Variants in SPIRE1 observed in about 807,000 individuals in gnomAD.
The protein encoded by SPIRE1 is spire type actin nucleation factor 1, also known as protein spire homolog 1.
SPIRE1 carries 40 observed loss-of-function variants against 94.1 expected under a neutral mutation model. The ratio of observed to expected loss-of-function variants is 0.43; its 90% CI spans 0.33 to 0.55. SPIRE1 has a LOEUF of 0.55. SPIRE1 is among the 20% of genes least tolerant of loss of function. SPIRE1 has a pLI of 0.06. For synonymous variants in SPIRE1, 376 were observed against 371.7 expected (o/e 1.01, Z -0.13); for missense variants, 838 against 975.2 (o/e 0.86, Z 1.87).
At chr18:12,597,914 T>C (rs1268262125) in intron 2 of SPIRE1, among the ~76,000 whole-genome samples, 2 of 152,254 alleles carry the variant, frequency 1.3e-5, no homozygotes, top group African/African-American at 4.8e-5. Flanking sequence ...CATGTCTAGA[T>C]GTAAGACTGA....
At position 12,452,387 on chromosome 18, in the gene SPIRE1, C is replaced by T. The variant is rs773590464; in HGVS notation, c.1880G>A (p.Arg627Gln). 3.0e-5 allele frequency: 48 copies of T among 1,613,976 alleles called. No individual in the cohort carries two copies. Among genetic ancestry groups the T allele is most frequent in the Admixed American group, 6.7e-5 (4 of 59,980 alleles). The change falls in exon 16 of 17, where the codon CGG (arginine) becomes CAG (glutamine). Residue 627 changes from arginine (R) to glutamine (Q), a missense_variant. Coordinates refer to ENST00000409402, the MANE Select transcript of SPIRE1 (RefSeq NM_001128626.2). ...PVCSQCCKKM[R>Q]LPSKPYSTLP... ...AGTGGAGTATGGTTTGGAGGGCAGC[C>T]GCATCTATTATCCCAAATAAAACTG... is the stretch of plus-strand genomic sequence containing the variant.
Position 12,586,560 on chromosome 18 carries a change from T to A in SPIRE1, c.373-39656A>T, listed in dbSNP as rs574281519. Among the ~76,000 whole-genome samples the A allele has an allele frequency of 9.2e-5, 14 of 152,356 alleles. No individual in the cohort carries two copies. The South Asian group carries it at 2.9e-3, about 32-fold the overall frequency. On this transcript the variant is annotated intron_variant, in intron 2 of 16. Coordinates refer to ENST00000409402, the MANE Select transcript of SPIRE1 (RefSeq NM_001128626.2). Reference sequence around the variant, plus strand: ...ATTCTCTCAGTCATGGCATCTGCTATACTTTTACTGGCAAATGATGAAACT... The same window carrying A: ...ATTCTCTCAGTCATGGCATCTGCTAAACTTTTACTGGCAAATGATGAAACT...
chr18:12,553,079 G>T (rs1443471290), intron 2 of SPIRE1, among the ~76,000 whole-genome samples: 1 of 152,140 alleles, frequency 6.6e-6, no homozygotes, highest in Non-Finnish European at 1.5e-5. Context: ...CAATACCCAG[G>T]TAGTACGCCA....
rs2143460250 is a variant in SPIRE1 at position 12,448,263 on chromosome 18, G to C, written c.*1375C>G. ...TAGAAATGTTACTGTATTTTGATGT[G>C]GTATGAAATGCAGCCGCCATGCCTT... On this transcript the variant is annotated 3_prime_UTR_variant, in exon 17 of 17. Coordinates refer to ENST00000409402, the MANE Select transcript of SPIRE1 (RefSeq NM_001128626.2). The surrounding 1 kb of genome is among the most constrained non-coding windows in gnomAD (Gnocchi z 4.4). The C allele has an allele frequency of 6.5e-6, 1 of 152,688 alleles. No homozygotes were observed. Among genetic ancestry groups the C allele is most frequent in the African/African-American group, 2.4e-5 (1 of 41,546 alleles). 9.5% of individuals were successfully genotyped at this position (152,688 alleles called of 1,614,324 possible).
rs181846395 is a variant in SPIRE1, at chr18:12,646,767, C to T, written c.337+10763G>A. Among the ~76,000 whole-genome samples the T allele has an allele frequency of 8.5e-5, 13 of 152,086 alleles. No individual in the cohort carries two copies. The East Asian group carries it at 1.9e-3, about 23-fold the overall frequency. On this transcript the variant is annotated intron_variant, in intron 1 of 16. Coordinates refer to ENST00000409402, the MANE Select transcript of SPIRE1 (RefSeq NM_001128626.2). The stretch of plus-strand genomic sequence containing the variant: ...TTAATTTAAAAAAATGTATTAGGCC[C>T]GGCGCAGTGGTTCACACCTGTAATC...
chr18:12,642,031 C>T (rs2038100843), intron 1 of SPIRE1, among the ~76,000 whole-genome samples: 1 of 151,918 alleles, frequency 6.6e-6, no homozygotes, highest in Non-Finnish European at 1.5e-5. Context: ...GGGATTTCAC[C>T]ATGTTAGCCA....
chr18:12,493,119 C>A lies in SPIRE1; in HGVS notation c.1142G>T (p.Arg381Ile), dbSNP rs1215448114. 3 of 1,613,618 alleles carry A rather than the reference C, an allele frequency of 1.9e-6. No homozygotes were observed. Among genetic ancestry groups the A allele is most frequent in the African/African-American group, 2.7e-5 (2 of 74,906 alleles). The change falls in exon 8 of 17, where the codon AGA becomes ATA. Residue 381 changes from arginine (R) to isoleucine (I), a missense_variant. By Grantham distance (97) the Arg-to-Ile change is moderately conservative. Coordinates refer to ENST00000409402, the MANE Select transcript of SPIRE1 (RefSeq NM_001128626.2). The part of the protein sequence containing the change: ...ERILEEIKAE[R>I]KLRPVSPEEI... ...CTCTGGTGATACAGGCCGCAGCTTTCTTTCTGCTTTAATTTCTTCTAATAT... is the reference window on the plus strand; with the variant it reads ...CTCTGGTGATACAGGCCGCAGCTTTATTTCTGCTTTAATTTCTTCTAATAT...
chr18:12,648,962 T>C (rs1288968504), intron 1 of SPIRE1, among the ~76,000 whole-genome samples: 2 of 107,084 alleles, frequency 1.9e-5, no homozygotes, highest in East Asian at 6.6e-4. Context: ...AAGTCTGGAG[T>C]TTAGTTAATA....
At chr18:12,560,667 G>A (rs1189925605) in intron 2 of SPIRE1, among the ~76,000 whole-genome samples, 4 of 151,974 alleles carry the variant, frequency 2.6e-5, no homozygotes, top group African/African-American at 7.2e-5. Context: ...CCTAGCCAAC[G>A]TGGTGAAACC....
In SPIRE1 at chr18:12,571,543, T is replaced by A. The variant is rs184497621; in HGVS notation, c.373-24639A>T. On this transcript the variant is annotated intron_variant, in intron 2 of 16. Coordinates refer to ENST00000409402, the MANE Select transcript of SPIRE1 (RefSeq NM_001128626.2). ...GTCCCAACTAAGAAGCCCTTCAGAA[T>A]ACCAGGGACATTTTCCCCATGCTGA... 1.1e-4 allele frequency among the ~76,000 whole-genome samples: 17 copies of A among 152,328 alleles called. No homozygotes were observed. In the East Asian group the frequency reaches 3.1e-3, roughly 28 times the overall value.
rs560859207 is a variant in SPIRE1, at chr18:12,606,621, C to T, written c.372+28441G>A. The stretch of plus-strand genomic sequence containing the variant: ...TCTTGGCTCACTGCAACCTCCACCT[C>T]CCAGGTTCAAGTGATTCTTCTGCCT... On this transcript the variant is annotated intron_variant, in intron 2 of 16. Coordinates refer to ENST00000409402, the MANE Select transcript of SPIRE1 (RefSeq NM_001128626.2). 1.1e-3 allele frequency among the ~76,000 whole-genome samples: 163 copies of T among 151,946 alleles called. 1 individual carries two copies. The highest frequency in any genetic ancestry group is 2.1e-3 in the Non-Finnish European group (144 of 68,016).
At chr18:12,466,646 T>A (rs774577854) in intron 10 of SPIRE1, among the ~76,000 whole-genome samples, 17 of 152,178 alleles carry the variant, frequency 1.1e-4, no homozygotes, top group African/African-American at 2.4e-5. Flanking sequence ...CTATGTGAGA[T>A]AGTGAAAATT....
intron 4 of SPIRE1, among the ~76,000 whole-genome samples, chr18:12,516,703 A>G (rs1359754178): frequency 6.6e-6 from 1 of 152,206 alleles, no homozygotes; most frequent in Non-Finnish European, 1.5e-5. Context: ...TCTTAGGGGT[A>G]CTTTGGTAGA....
chr18:12,654,024 A>G (rs1402855772), intron 1 of SPIRE1, among the ~76,000 whole-genome samples: 1 of 151,746 alleles, frequency 6.6e-6, no homozygotes, highest in Non-Finnish European at 1.5e-5. Flanking sequence ...ACTACATATA[A>G]TCATGATAAA....
intron 4 of SPIRE1, among the ~76,000 whole-genome samples, chr18:12,515,742 C>T (rs142391224): frequency 2.0e-5 from 3 of 152,226 alleles, no homozygotes; most frequent in Non-Finnish European, 2.9e-5. Flanking sequence ...CCTAGAGTAA[C>T]CTATATCCAG....
At chr18:12,487,402 CTT>C (rs35743856) in intron 8 of SPIRE1, among the ~76,000 whole-genome samples, 167 of 132,640 alleles carry the variant, frequency 1.3e-3, no homozygotes, top group Middle Eastern at 3.9e-3. Context: ...TATTTTCTTT[CTT>C]TTTTTTTTTT....
chr18:12,522,874 T>C (rs1455893462), intron 4 of SPIRE1, among the ~76,000 whole-genome samples: 1 of 152,186 alleles, frequency 6.6e-6, no homozygotes. Context: ...TCGATGGTAA[T>C]ATACAAGATT....
chr18:12,475,603 C>T (rs996386084), intron 10 of SPIRE1, among the ~76,000 whole-genome samples: 10 of 151,482 alleles, frequency 6.6e-5, no homozygotes, highest in East Asian at 1.9e-4. Context: ...AAAATGTGAA[C>T]GAAAAAAAAC....
chr18:12,657,401 C>G (rs1395217644), intron 1 of SPIRE1, 129 bp downstream of exon 1: 1 of 763,658 alleles, frequency 1.3e-6, no homozygotes, highest in African/African-American at 1.8e-5. Context: ...CCGCCGGATC[C>G]TCCCGGGGGT....
Sources: gnomAD v4.1 joint callset for allele counts (sites outside exome capture counted in the v4.1 genomes callset) on GRCh38, gnomAD v4.1.1 for gene constraint, Gnocchi (gnomAD v3.1) non-coding constraint, MANE v1.5 for transcripts, NCBI Gene and HGNC (gene_info 2026-07-23, HGNC 2026-07-21) for gene names.